The following TNFAIP8 variants were observed in gnomAD, a reference collection of about 807,000 sequenced individuals.
TNFAIP8 encodes TNF alpha induced protein 8.
Under a neutral mutation model 13.3 loss-of-function variants are expected in TNFAIP8, and 7 were observed. The observed-to-expected ratio is 0.52, with a 90% CI of 0.30 to 0.99. The LOEUF is 0.99. Among genes scored for constraint, TNFAIP8 ranks in the 50% least tolerant of loss-of-function variants. TNFAIP8 has a pLI of 0.07. For synonymous variants in TNFAIP8, 94 were observed against 87.6 expected (o/e 1.07, Z -0.41); for missense variants, 258 against 236.9 (o/e 1.09, Z -0.58).
intron 1 of TNFAIP8, among the ~76,000 whole-genome samples, chr5:119,343,066 A>T (rs1023876608): frequency 6.6e-6 from 1 of 152,202 alleles, no homozygotes; most frequent in Admixed American, 6.5e-5. Context: ...CTTGCCCTGG[A>T]AATGCCATCA....
rs752137450 is a variant in TNFAIP8 at position 119,393,140 on chromosome 5, TG to T, written c.358del (p.Asp120IlefsTer13). 1.9e-6 allele frequency: 3 copies of T among 1,614,040 alleles called. No individual in the cohort carries two copies. The highest frequency in any genetic ancestry group is 2.5e-6 in the Non-Finnish European group (3 of 1,179,890). On this transcript the variant is annotated frameshift_variant, in exon 2 of 2. Transcript: ENST00000504771. LOFTEE classifies it high-confidence loss of function. Reference protein sequence around the residue: ...LAMTVVSFHQVDYTFDRNVLS... With the variant: ...LAMTVVSFHQXDYTFDRNVLS... Reference sequence around the variant, plus strand: ...ATGACCGTGGTCAGTTTCCATCAGGTGGATTATACCTTTGACCGGAATGTGT... The same window carrying T: ...ATGACCGTGGTCAGTTTCCATCAGGTGATTATACCTTTGACCGGAATGTGT...
chr5:119,298,866 A>G (rs1236232377), intron 1 of TNFAIP8, among the ~76,000 whole-genome samples: 2 of 152,028 alleles, frequency 1.3e-5, no homozygotes, highest in African/African-American at 4.8e-5. Flanking sequence ...TTCATCTTCC[A>G]TCACTGATAC....
intron 1 of TNFAIP8, among the ~76,000 whole-genome samples, chr5:119,322,091 C>G (rs771918547): frequency 1.8e-4 from 28 of 152,182 alleles, no homozygotes; most frequent in Non-Finnish European, 3.1e-4. Flanking sequence ...TCTAATTTTT[C>G]TCAGGTTTCT....
chr5:119,333,745 C>T (rs1372944461), intron 1 of TNFAIP8: 5 of 950,100 alleles, frequency 5.3e-6, no homozygotes, highest in Non-Finnish European at 6.4e-6. Flanking sequence ...AATGTTTGGT[C>T]GTGGCTTTAG....
intron 1 of TNFAIP8, among the ~76,000 whole-genome samples, chr5:119,376,259 C>T (rs964022379): frequency 6.6e-6 from 1 of 151,956 alleles, no homozygotes; most frequent in Non-Finnish European, 1.5e-5. Context: ...GGATTACAGG[C>T]ATGTGCCACC....
At chr5:119,368,430 C>CGTGTGTGTGTGTGTGTGTGT (rs376615641) in intron 1 of TNFAIP8, among the ~76,000 whole-genome samples, 8 of 133,036 alleles carry the variant, frequency 6.0e-5, no homozygotes, top group Non-Finnish European at 8.0e-5. Flanking sequence ...TTCTAAGCAG[C>CGTGTGTGTGTGTGTGTGTGT]GTGTGTGTGT....
chr5:119,268,873 T>C, exon 1 of TNFAIP8: 1 of 700,990 alleles, frequency 1.4e-6, no homozygotes. Context: ...CAGCTCGCGC[T>C]TCAGCGTCCC....
intron 1 of TNFAIP8, among the ~76,000 whole-genome samples, chr5:119,362,937 G>A (rs568117540): frequency 2.0e-5 from 3 of 152,144 alleles, no homozygotes; most frequent in Non-Finnish European, 4.4e-5. Context: ...AAGGAGCCTC[G>A]CCAAGAAAGT....
chr5:119,396,994 C>CAAAAAAA lies in TNFAIP8; in HGVS notation c.*3630_*3636dup, dbSNP rs34587766. 3.0e-5 allele frequency: 2 copies of CAAAAAAA among 65,878 alleles called. No individual in the cohort carries two copies. Among genetic ancestry groups the CAAAAAAA allele is most frequent in the African/African-American group, 1.2e-4 (2 of 16,868 alleles). The allele number at this position is 65,878 out of a possible 1,614,324, so 4.1% of individuals were successfully genotyped here. ...GGGCAACAAGAACGAAACCCCGTCT[C>CAAAAAAA]AAAAAAAAAAAAAAAAAAAAAAAGC... is the stretch of plus-strand genomic sequence containing the variant. On this transcript the variant is annotated 3_prime_UTR_variant, in exon 2 of 2. Transcript: ENST00000504771.
intron 1 of TNFAIP8, among the ~76,000 whole-genome samples, chr5:119,347,853 C>T (rs1750964087): frequency 6.6e-6 from 1 of 152,204 alleles, no homozygotes; most frequent in Admixed American, 6.5e-5. Context: ...AAGCAGTCAT[C>T]AGTTGGCACA....
At chr5:119,272,197 G>T (rs1034358697) in intron 1 of TNFAIP8, among the ~76,000 whole-genome samples, 1 of 152,202 alleles carries the variant, frequency 6.6e-6, no homozygotes, top group African/African-American at 2.4e-5. Context: ...AAACCACCTG[G>T]TCTATGGCCT....
intron 1 of TNFAIP8, among the ~76,000 whole-genome samples, chr5:119,364,855 T>G (rs140294598): frequency 0.32 from 39,969 of 124,684 alleles, 5,903 homozygotes; most frequent in South Asian, 0.47. Flanking sequence ...TTTTTTTTTT[T>G]TTTTTTTTTT....
chr5:119,338,020 C>T (rs954498178), intron 1 of TNFAIP8, among the ~76,000 whole-genome samples: 2 of 152,194 alleles, frequency 1.3e-5, no homozygotes, highest in Non-Finnish European at 2.9e-5. Flanking sequence ...TGCCCCTCTC[C>T]TGCTAACTGC....
At chr5:119,284,664 G>C (rs1748724259) in intron 1 of TNFAIP8, among the ~76,000 whole-genome samples, 1 of 151,584 alleles carries the variant, frequency 6.6e-6, no homozygotes, top group Non-Finnish European at 1.5e-5. Flanking sequence ...CTGGGTGACA[G>C]AGCGAGGCTC....
chr5:119,301,170 C>T (rs928574856), intron 1 of TNFAIP8, among the ~76,000 whole-genome samples: 7 of 152,220 alleles, frequency 4.6e-5, no homozygotes, highest in African/African-American at 1.2e-4. Flanking sequence ...AATGGCCTTA[C>T]GTTCCTACAG....
intron 1 of TNFAIP8, among the ~76,000 whole-genome samples, chr5:119,385,777 T>G (rs1209557267): frequency 6.6e-6 from 1 of 152,226 alleles, no homozygotes; most frequent in Non-Finnish European, 1.5e-5. Context: ...GGAATTAATT[T>G]TGGCCAAATG....
intron 1 of TNFAIP8, chr5:119,333,750 C>T (rs1202009908): frequency 5.7e-6 from 5 of 877,936 alleles, no homozygotes; most frequent in East Asian, 2.7e-5. Flanking sequence ...TTGGTCGTGG[C>T]TTTAGAGCTA....
At chr5:119,354,511 G>C (rs140003655), upstream of TNFAIP8, 3 of 152,124 alleles carry the variant, frequency 2.0e-5, no homozygotes, top group East Asian at 5.8e-4. Flanking sequence ...ACTCTTTTCT[G>C]TTCAAAGTCA....
chr5:119,357,364 A>AT (rs1234247023), intron 1 of TNFAIP8, among the ~76,000 whole-genome samples: 2 of 152,176 alleles, frequency 1.3e-5, no homozygotes, highest in Admixed American at 6.5e-5. Context: ...GTGCTGATAG[A>AT]TGCTTTTCTT....
Sources: gnomAD v4.1 joint callset for allele counts (sites outside exome capture counted in the v4.1 genomes callset) on GRCh38, gnomAD v4.1.1 for gene constraint, MANE v1.5 for transcripts, NCBI Gene and HGNC (gene_info 2026-07-23, HGNC 2026-07-21) for gene names.